Variants in NAALADL2 observed in about 807,000 individuals in gnomAD.
NAALADL2 encodes the protein inactive N-acetylated-alpha-linked acidic dipeptidase-like protein 2.
NAALADL2 carries 76 observed loss-of-function variants against 87.2 expected under a neutral mutation model. That is an observed-to-expected ratio of 0.87 (90% confidence interval 0.72 to 1.05). NAALADL2 has a LOEUF of 1.05. Ranked by LOEUF, NAALADL2 falls within the 50% of genes least tolerant of loss-of-function variation. The pLI, the probability that NAALADL2 is intolerant of heterozygous loss-of-function variation, is 0.00. For synonymous variants in NAALADL2, 354 were observed against 331.0 expected, an observed-to-expected ratio of 1.07 and a Z score of -0.75; for missense variants, 1,089 against 945.8, an observed-to-expected ratio of 1.15 and a Z score of -1.99.
chr3:175,629,517 A>AT (rs1179097211), intron 11 of NAALADL2, among the ~76,000 whole-genome samples: 1 of 151,416 alleles, frequency 6.6e-6, no homozygotes, highest in Non-Finnish European at 1.5e-5. Flanking sequence ...TATTTTCTCC[A>AT]TTTTTTTCCT....
At chr3:175,083,933 T>G (rs1718368993) in intron 1 of NAALADL2, among the ~76,000 whole-genome samples, 1 of 152,120 alleles carries the variant, frequency 6.6e-6, no homozygotes, top group Non-Finnish European at 1.5e-5. Flanking sequence ...CTCAACAAAT[T>G]AAGAACTGAA....
chr3:175,401,878 C>T (rs771187300), intron 5 of NAALADL2, among the ~76,000 whole-genome samples: 5 of 151,982 alleles, frequency 3.3e-5, no homozygotes, highest in Non-Finnish European at 7.4e-5. Context: ...GCATAAAAGT[C>T]CAGTAGACGA....
chr3:175,646,643 T>C (rs1271223658), intron 11 of NAALADL2, among the ~76,000 whole-genome samples: 5 of 152,106 alleles, frequency 3.3e-5, no homozygotes, highest in Non-Finnish European at 7.4e-5. Flanking sequence ...GTTAAAGATA[T>C]GGTTACAGTA....
At chr3:174,617,056 T>C (rs1412290057) in intron 2 of NAALADL2, among the ~76,000 whole-genome samples, 2 of 151,766 alleles carry the variant, frequency 1.3e-5, no homozygotes, top group African/African-American at 4.8e-5. Flanking sequence ...CTTAGTTAAC[T>C]TTGTATGGGT....
At chr3:174,894,049 G>A (rs1731195287) in intron 1 of NAALADL2, among the ~76,000 whole-genome samples, 1 of 152,042 alleles carries the variant, frequency 6.6e-6, no homozygotes, top group African/African-American at 2.4e-5. Flanking sequence ...AAGACCAGGA[G>A]TCACTGTACT....
intron 13 of NAALADL2, among the ~76,000 whole-genome samples, chr3:175,795,339 C>G (rs1409308554): frequency 6.6e-6 from 1 of 152,092 alleles, no homozygotes; most frequent in Admixed American, 6.6e-5. Flanking sequence ...CTAATGATAT[C>G]TCCTGAATTT....
At chr3:174,607,493 C>CA (rs1311346904) in intron 2 of NAALADL2, among the ~76,000 whole-genome samples, 1 of 148,042 alleles carries the variant, frequency 6.8e-6, no homozygotes, top group African/African-American at 2.5e-5. Context: ...AAATGGAAAA[C>CA]AAAAAAAGGC....
At chr3:174,903,971 A>G (rs1560345278) in intron 1 of NAALADL2, among the ~76,000 whole-genome samples, 1 of 147,908 alleles carries the variant, frequency 6.8e-6, no homozygotes, top group African/African-American at 2.6e-5. Flanking sequence ...ATCTATATCT[A>G]TATCTATATC....
intron 1 of NAALADL2, among the ~76,000 whole-genome samples, chr3:175,017,333 C>T (rs1451513545): frequency 6.6e-6 from 1 of 152,102 alleles, no homozygotes; most frequent in African/African-American, 2.4e-5. Flanking sequence ...TTTATATATT[C>T]TGTTGCGAAT....
chr3:175,357,559 A>T (rs184749107), intron 5 of NAALADL2, among the ~76,000 whole-genome samples: 2 of 152,258 alleles, frequency 1.3e-5, no homozygotes, highest in East Asian at 3.9e-4. Flanking sequence ...TGTGAATTCT[A>T]ATTCTAGTAA....
intron 2 of NAALADL2, among the ~76,000 whole-genome samples, chr3:174,705,512 C>T (rs1262600411): frequency 3.3e-5 from 5 of 152,134 alleles, no homozygotes; most frequent in African/African-American, 7.2e-5. Flanking sequence ...GGGCCGGGCG[C>T]GATGGCTCAC....
At chr3:175,534,949 G>T (rs1227328808) in intron 9 of NAALADL2, among the ~76,000 whole-genome samples, 2 of 150,958 alleles carry the variant, frequency 1.3e-5, no homozygotes, top group Non-Finnish European at 2.9e-5. Flanking sequence ...TCCATACAAC[G>T]AGACCTACTT....
intron 4 of NAALADL2, among the ~76,000 whole-genome samples, chr3:175,263,020 A>T (rs537620093): frequency 6.6e-5 from 10 of 151,424 alleles, no homozygotes; most frequent in African/African-American, 2.2e-4. Flanking sequence ...AAAACAAAAA[A>T]CAATGTCTCC....
intron 4 of NAALADL2, chr3:175,256,782 G>C (rs146815903): frequency 2.3e-3 from 545 of 241,928 alleles, no homozygotes; most frequent in Middle Eastern, 8.9e-3. Context: ...CTTAAGTCAG[G>C]TAACACTGAG....
chr3:175,446,254 CG>C (rs1473381398), intron 5 of NAALADL2, among the ~76,000 whole-genome samples: 1 of 33,548 alleles, frequency 3.0e-5, no homozygotes, highest in Non-Finnish European at 7.4e-5. Context: ...TTGGGGGGGG[CG>C]GGGGGGACTG....
chr3:175,240,038 A>G (rs537546206), intron 3 of NAALADL2, among the ~76,000 whole-genome samples: 1 of 152,164 alleles, frequency 6.6e-6, no homozygotes, highest in Non-Finnish European at 1.5e-5. Flanking sequence ...TATTTATCAC[A>G]TTATCTAAAT....
intron 5 of NAALADL2, among the ~76,000 whole-genome samples, chr3:175,331,237 A>T (rs1358115836): frequency 6.6e-6 from 1 of 152,202 alleles, no homozygotes; most frequent in Non-Finnish European, 1.5e-5. Flanking sequence ...AAGAATTAAC[A>T]CCAATTCTCC....
intron 12 of NAALADL2, among the ~76,000 whole-genome samples, chr3:175,740,850 G>A (rs1211578556): frequency 2.6e-5 from 4 of 152,070 alleles, no homozygotes; most frequent in African/African-American, 4.8e-5. Context: ...CTGCGGACTC[G>A]CCCTTAATTT....
chr3:175,575,125 G>T (rs1278662396), intron 9 of NAALADL2, among the ~76,000 whole-genome samples: 4 of 152,082 alleles, frequency 2.6e-5, no homozygotes, highest in Non-Finnish European at 5.9e-5. Flanking sequence ...AGAAATAATA[G>T]CCTATATCAT....
Sources: allele counts gnomAD v4.1 joint callset (sites outside exome capture counted in the v4.1 genomes callset), GRCh38; gene constraint gnomAD v4.1.1; transcripts MANE v1.5; gene names NCBI Gene and HGNC (gene_info 2026-07-23, HGNC 2026-07-21).